VPS37A: variants seen among roughly 807,000 people sequenced by gnomAD.
VPS37A encodes the protein VPS37A subunit of ESCRT-I.
In VPS37A, 30 loss-of-function variants were observed where a neutral mutation model predicts 49.8. The observed-to-expected ratio is 0.60, with a 90% CI of 0.45 to 0.82. The LOEUF is 0.82. Among genes scored for constraint, VPS37A ranks in the 40% least tolerant of loss-of-function variants. The pLI, the probability that VPS37A is intolerant of heterozygous loss-of-function variation, is 0.00. For missense variants in VPS37A, 593 were observed against 464.4 expected, an observed-to-expected ratio of 1.28 and a Z score of -2.55; for synonymous variants, 195 against 160.6, an observed-to-expected ratio of 1.21 and a Z score of -1.62.
chr8:17,258,201 A>C (rs940866388), intron 1 of VPS37A, among the ~76,000 whole-genome samples: 3 of 152,184 alleles, frequency 2.0e-5, no homozygotes, highest in African/African-American at 4.8e-5. Flanking sequence ...TAAAAGTTTG[A>C]AAGTGGGCAT....
At chr8:17,294,831 C>CT (rs932577261) in intron 11 of VPS37A, among the ~76,000 whole-genome samples, 156 bp from the exon 12 acceptor site, 13 of 152,216 alleles carry the variant, frequency 8.5e-5, no homozygotes, top group African/African-American at 3.1e-4. Context: ...CCTGCCTTCT[C>CT]TGTTGGTCTC....
At chr8:17,248,781 T>A (rs996597253) in intron 1 of VPS37A, among the ~76,000 whole-genome samples, 1 of 152,228 alleles carries the variant, frequency 6.6e-6, no homozygotes, top group African/African-American at 2.4e-5. Context: ...TCAATTGTTC[T>A]GTTTGTTCAG....
At chr8:17,277,861 TACACAC>T (rs67718316) in intron 6 of VPS37A, among the ~76,000 whole-genome samples, 3,093 of 140,966 alleles carry the variant, frequency 0.022, 90 homozygotes, top group African/African-American at 0.064. Flanking sequence ...TTCTCTTTTA[TACACAC>T]ACACACACAC....
intron 11 of VPS37A, among the ~76,000 whole-genome samples, chr8:17,292,651 C>G (rs887163361): frequency 6.6e-6 from 1 of 152,160 alleles, no homozygotes; most frequent in Non-Finnish European, 1.5e-5. Context: ...GTAAGGCAGT[C>G]CTCGTGGTGA....
In VPS37A at chr8:17,268,383, G is replaced by A. The variant is rs1289959068; in HGVS notation, c.315+11G>A. On this transcript the variant is annotated intron_variant, in intron 3 of 11. Transcript: ENST00000324849. Reference sequence around the variant, plus strand: ...CCATTAGTAAACAATGTATGTATATGGGATAATTTATTTCAGGGTAATATA... The same window carrying A: ...CCATTAGTAAACAATGTATGTATATAGGATAATTTATTTCAGGGTAATATA... 5.2e-6 allele frequency: 8 copies of A among 1,550,988 alleles called. No homozygotes were observed. Among genetic ancestry groups the A allele is most frequent in the Non-Finnish European group, 6.2e-6 (7 of 1,128,136 alleles).
Position 17,297,900 on chromosome 8 carries a change from A to AAGTT in VPS37A, c.*2915_*2918dup, listed in dbSNP as rs1389610469. The AAGTT allele has an allele frequency of 6.6e-6, 1 of 152,076 alleles. No individual in the cohort carries two copies. Among genetic ancestry groups the AAGTT allele is most frequent in the Non-Finnish European group, 1.5e-5 (1 of 67,908 alleles). 9.4% of individuals were successfully genotyped at this position (152,076 alleles called of 1,614,324 possible). A position where few individuals can be genotyped will look rare whatever the true frequency, so the allele number is the denominator to read the frequency against. ...AAATTATAATGTCTGTCTTGTAAAA[A>AAGTT]AGTTGAGGGGACTAAAAGTTTATGA... On this transcript the variant is annotated 3_prime_UTR_variant, in exon 12 of 12. Transcript: ENST00000324849.
chr8:17,268,366 AAAC>A lies in VPS37A; in HGVS notation c.312_314del (p.Asn105del), dbSNP rs767074937. 6.3e-7 allele frequency: 1 copy of A among 1,597,778 alleles called. No individual in the cohort carries two copies. The highest frequency in any genetic ancestry group is 1.1e-5 in the South Asian group (1 of 90,600). ...GAGTGTATGTTACCTCTCCATTAGTAAACAATGTATGTATATGGGATAATTTAT... is the reference window on the plus strand; with the variant it reads ...GAGTGTATGTTACCTCTCCATTAGTAAATGTATGTATATGGGATAATTTAT... On this transcript the variant is annotated inframe_deletion, in exon 3 of 12. Transcript: ENST00000324849.
At chr8:17,302,060 T>C (rs1372402570), downstream of VPS37A, 9 of 1,510,172 alleles carry the variant, frequency 6.0e-6, no homozygotes, top group Middle Eastern at 7.1e-4. Context: ...ATGTGAAATA[T>C]TTGTATTGCA....
the VPS37A span, chr8:17,313,481 G>T: frequency 3.4e-6 from 3 of 882,134 alleles, no homozygotes; most frequent in African/African-American, 1.7e-5. Flanking sequence ...TAGGTAGTTT[G>T]TTAATGATTC....
the VPS37A span, among the ~76,000 whole-genome samples, chr8:17,308,959 T>C: frequency 2.0e-5 from 3 of 152,218 alleles, no homozygotes; most frequent in Admixed American, 2.0e-4. Flanking sequence ...TCTCTGGACT[T>C]CTAAAATGGA....
At chr8:17,306,083 T>C, downstream of VPS37A, 1 of 755,624 alleles carries the variant, frequency 1.3e-6, no homozygotes, top group Non-Finnish European at 2.0e-6. Context: ...AAACTTGGAA[T>C]GACAAAAAAG....
intron 1 of VPS37A, among the ~76,000 whole-genome samples, chr8:17,256,801 C>A (rs1691282483): frequency 6.6e-6 from 1 of 151,990 alleles, no homozygotes; most frequent in South Asian, 2.1e-4. Flanking sequence ...TACAGGCACT[C>A]ACCACCACAC....
intron 1 of VPS37A, 114 bp from the exon 2 acceptor site, chr8:17,265,793 A>C (rs776875951): frequency 3.5e-5 from 54 of 1,564,794 alleles, no homozygotes; most frequent in Non-Finnish European, 4.4e-5. Flanking sequence ...CTGGCTATCC[A>C]GATTCTGTGA....
chr8:17,311,530 C>T, the VPS37A span: 87 of 1,613,942 alleles, frequency 5.4e-5, no homozygotes, highest in Non-Finnish European at 6.9e-5. Flanking sequence ...CTTCAGAGTC[C>T]GGTAGTGAGG....
At chr8:17,265,175 C>T (rs1475479331) in intron 1 of VPS37A, among the ~76,000 whole-genome samples, 1 of 152,098 alleles carries the variant, frequency 6.6e-6, no homozygotes, top group East Asian at 1.9e-4. Flanking sequence ...TGGAAAATGG[C>T]TATTAGAAGT....
chr8:17,333,175 T>A, the VPS37A span, among the ~76,000 whole-genome samples: 1 of 152,124 alleles, frequency 6.6e-6, no homozygotes, highest in Admixed American at 6.5e-5. Flanking sequence ...ACTGTTCCCA[T>A]CCACAAAAGG....
At chr8:17,277,861 T>TAC (rs67718316) in intron 6 of VPS37A, among the ~76,000 whole-genome samples, 17,782 of 140,760 alleles carry the variant, frequency 0.13, 997 homozygotes, top group South Asian at 0.18. Flanking sequence ...TTCTCTTTTA[T>TAC]ACACACACAC....
chr8:17,303,016 A>G (rs2150463842), downstream of VPS37A, among the ~76,000 whole-genome samples: 1 of 152,020 alleles, frequency 6.6e-6, no homozygotes, highest in East Asian at 1.9e-4. Flanking sequence ...TGACCAATAA[A>G]TCCCTTTTTA....
chr8:17,276,602 G>A, intron 6 of VPS37A, 135 bp downstream of exon 6: 1 of 857,958 alleles, frequency 1.2e-6, no homozygotes, highest in East Asian at 2.8e-5. Flanking sequence ...TGCCTTAGTG[G>A]GATTTAAAAA....
Sources: gnomAD v4.1 joint callset for allele counts (sites outside exome capture counted in the v4.1 genomes callset) on GRCh38, gnomAD v4.1.1 for gene constraint, MANE v1.5 for transcripts, NCBI Gene and HGNC (gene_info 2026-07-23, HGNC 2026-07-21) for gene names.